NEDD4L: variants seen among roughly 807,000 people sequenced by gnomAD.
The protein encoded by NEDD4L is E3 ubiquitin-protein ligase NEDD4-like.
A neutral mutation model predicts 148.9 loss-of-function variants in NEDD4L; 54 were observed. That is an observed-to-expected ratio of 0.36 (90% CI 0.29 to 0.45). The LOEUF (loss-of-function observed/expected upper bound fraction) is 0.45, where lower values mean the gene tolerates loss of function less well. NEDD4L is among the 20% of genes least tolerant of loss of function. The probability of loss-of-function intolerance (pLI) is 1.00; values close to 1 mark genes in which losing one functional copy is unlikely to be tolerated. For synonymous variants in NEDD4L, 433 were observed against 440.7 expected (o/e 0.98, Z 0.22); for missense variants, 856 against 1,233.8 (o/e 0.69, Z 4.59).
chr18:58,184,782 G>A (rs2039263712), intron 2 of NEDD4L, among the ~76,000 whole-genome samples: 1 of 152,074 alleles, frequency 6.6e-6, no homozygotes, highest in Non-Finnish European at 1.5e-5. Context: ...CAAAAAATTA[G>A]CTGGGCATGG....
At chr18:58,154,659 C>T (rs1030308887) in intron 1 of NEDD4L, among the ~76,000 whole-genome samples, 63 of 152,206 alleles carry the variant, frequency 4.1e-4, no homozygotes, top group African/African-American at 1.5e-3. Context: ...TGATGGCAGG[C>T]GCCTGTAATC....
chr18:58,283,821 C>A (rs985825272), intron 5 of NEDD4L, among the ~76,000 whole-genome samples: 2 of 152,206 alleles, frequency 1.3e-5, no homozygotes, highest in Non-Finnish European at 2.9e-5. Context: ...AAAATAGGGT[C>A]TTTGCAGACC....
intron 5 of NEDD4L, among the ~76,000 whole-genome samples, chr18:58,262,100 G>A (rs758028783): frequency 2.0e-5 from 3 of 152,110 alleles, no homozygotes; most frequent in Non-Finnish European, 4.4e-5. Flanking sequence ...TCCATGTCCT[G>A]CACAAAGGAG....
chr18:58,276,690 A>ATT lies in NEDD4L; in HGVS notation c.297+24636_297+24637insTT, dbSNP rs1321035508. ...AATTGTGGTCAGCTATAATAATAAT[A>ATT]ATAATATTATTATTATTATTATTAA... On this transcript the variant is annotated intron_variant, in intron 5 of 30. Coordinates refer to ENST00000400345, the MANE Select transcript of NEDD4L (RefSeq NM_001144967.3). 1.6e-3 allele frequency among the ~76,000 whole-genome samples: 202 copies of ATT among 123,682 alleles called. 1 individual carries two copies. Among genetic ancestry groups the ATT allele is most frequent in the South Asian group, 3.6e-3 (16 of 4,400 alleles). The allele number at this position is 123,682 out of a possible 152,430, so 81.1% of individuals were successfully genotyped here.
rs141442663 is a variant in NEDD4L, at chr18:58,374,182, G to T, written c.2352+913G>T. The stretch of plus-strand genomic sequence containing the variant: ...AGAAAAGAAGCTGATGCCACTAGAG[G>T]ATTTAATGACAACTGAGGGTAAAAA... On this transcript the variant is annotated intron_variant, in intron 24 of 30. Coordinates refer to ENST00000400345, the MANE Select transcript of NEDD4L (RefSeq NM_001144967.3). Among the ~76,000 whole-genome samples the T allele has an allele frequency of 3.6e-3, 549 of 152,308 alleles. 4 individuals are homozygous for T. The highest frequency in any genetic ancestry group is 5.6e-3 in the Non-Finnish European group (382 of 68,024).
chr18:58,058,383 A>G (rs374520293), intron 1 of NEDD4L, among the ~76,000 whole-genome samples: 26 of 152,338 alleles, frequency 1.7e-4, no homozygotes, highest in African/African-American at 6.0e-4. Context: ...CATTACATGC[A>G]TGCACACTGT....
chr18:58,061,257 G>A (rs906843223), intron 1 of NEDD4L, among the ~76,000 whole-genome samples: 1 of 152,120 alleles, frequency 6.6e-6, no homozygotes, highest in African/African-American at 2.4e-5. Flanking sequence ...TTGGATCCGT[G>A]AGCCAGTCAT....
At chr18:58,126,910 G>C (rs1442420601) in intron 1 of NEDD4L, among the ~76,000 whole-genome samples, 2 of 152,216 alleles carry the variant, frequency 1.3e-5, no homozygotes, top group East Asian at 1.9e-4. Context: ...CCAGCACCCA[G>C]GGGTGAGGTG....
chr18:58,306,845 G>T (rs1416319812), intron 5 of NEDD4L, among the ~76,000 whole-genome samples: 1 of 152,114 alleles, frequency 6.6e-6, no homozygotes, highest in Non-Finnish European at 1.5e-5. Context: ...TGTTGGCCAG[G>T]CTGTTCTCGA....
chr18:58,128,522 T>C (rs2031535584), intron 1 of NEDD4L, among the ~76,000 whole-genome samples: 1 of 152,168 alleles, frequency 6.6e-6, no homozygotes, highest in South Asian at 2.1e-4. Context: ...AAACAACAGA[T>C]TCCATAGCAT....
intron 5 of NEDD4L, among the ~76,000 whole-genome samples, chr18:58,284,777 A>G (rs2053647582): frequency 1.3e-5 from 2 of 152,212 alleles, no homozygotes; most frequent in South Asian, 4.1e-4. Flanking sequence ...TTATAAACCC[A>G]TTTTTACACC....
At chr18:58,313,795 T>G (rs1212854805) in intron 5 of NEDD4L, among the ~76,000 whole-genome samples, 1 of 152,230 alleles carries the variant, frequency 6.6e-6, no homozygotes, top group Non-Finnish European at 1.5e-5. Flanking sequence ...CTTTAACCTG[T>G]TTTATCAGTT....
intron 18 of NEDD4L, among the ~76,000 whole-genome samples, chr18:58,352,372 C>A (rs147804940): frequency 6.6e-6 from 1 of 152,052 alleles, no homozygotes; most frequent in African/African-American, 2.4e-5. Context: ...TAATAGTTTC[C>A]GGCTTGGTGC....
chr18:58,181,845 G>T (rs925509141), intron 2 of NEDD4L, among the ~76,000 whole-genome samples: 2 of 152,186 alleles, frequency 1.3e-5, no homozygotes, highest in African/African-American at 4.8e-5. Context: ...AGGGTTCTGA[G>T]ATTGTAGGAG....
At chr18:58,375,877 T>A (rs1349445476) in intron 24 of NEDD4L, among the ~76,000 whole-genome samples, 4 of 152,160 alleles carry the variant, frequency 2.6e-5, no homozygotes, top group African/African-American at 9.7e-5. Context: ...TGGCTTTTTT[T>A]AAAAAGCCGG....
At chr18:58,070,393 C>T (rs1443500288) in intron 1 of NEDD4L, among the ~76,000 whole-genome samples, 4 of 152,058 alleles carry the variant, frequency 2.6e-5, no homozygotes, top group Non-Finnish European at 5.9e-5. Flanking sequence ...CTCAGCTTCC[C>T]AAGTAGGTGG....
chr18:58,330,709 G>C (rs1246586007), intron 10 of NEDD4L, 29 bp from the exon 11 acceptor site: 2 of 1,503,844 alleles, frequency 1.3e-6, no homozygotes, highest in East Asian at 2.3e-5. Context: ...TCTTTCTAGT[G>C]TTTACCCCAG....
At chr18:58,330,262 C>T (rs534568465) in intron 10 of NEDD4L, among the ~76,000 whole-genome samples, 2 of 152,330 alleles carry the variant, frequency 1.3e-5, no homozygotes, top group South Asian at 2.1e-4. Context: ...TGTTTAATTA[C>T]AGCGTATAGC....
chr18:58,280,929 TA>T (rs1322921034), intron 5 of NEDD4L, among the ~76,000 whole-genome samples: 1 of 152,182 alleles, frequency 6.6e-6, no homozygotes, highest in African/African-American at 2.4e-5. Context: ...TACTTTCCAC[TA>T]ATGTGACATT....
Sources: allele counts gnomAD v4.1 joint callset (sites outside exome capture counted in the v4.1 genomes callset), GRCh38; gene constraint gnomAD v4.1.1; transcripts MANE v1.5; gene names NCBI Gene and HGNC (gene_info 2026-07-23, HGNC 2026-07-21).